The following MAP3K4 variants were observed in gnomAD, a reference collection of about 807,000 sequenced individuals.
MAP3K4 encodes MAP three kinase 1.
In MAP3K4, 67 loss-of-function variants were observed where a neutral mutation model predicts 185.6. That is an observed-to-expected ratio of 0.36 (90% confidence interval 0.30 to 0.44). MAP3K4 has a LOEUF of 0.44. Among genes scored for constraint, MAP3K4 ranks in the 20% least tolerant of loss-of-function variants. The pLI is 1.00. For missense variants in MAP3K4, 1,551 were observed against 1,995.1 expected, an observed-to-expected ratio of 0.78 and a Z score of 4.24; for synonymous variants, 702 against 710.4, an observed-to-expected ratio of 0.99 and a Z score of 0.19.
chr6:160,992,561 C>G (rs1780782175), intron 1 of MAP3K4, among the ~76,000 whole-genome samples: 1 of 152,174 alleles, frequency 6.6e-6, no homozygotes, highest in African/African-American at 2.4e-5. Flanking sequence ...TTTGCCCGCT[C>G]CAGAGAATGC....
At chr6:161,089,279 A>G in intron 10 of MAP3K4, 43 bp from the exon 11 acceptor site, 3 of 1,594,870 alleles carry the variant, frequency 1.9e-6, no homozygotes, top group Non-Finnish European at 1.7e-6. Flanking sequence ...AACAACTAGT[A>G]ACTGGGTTGG....
intron 25 of MAP3K4, among the ~76,000 whole-genome samples, chr6:161,113,842 G>A (rs563107432): frequency 2.2e-5 from 3 of 137,166 alleles, no homozygotes; most frequent in South Asian, 4.7e-4. Context: ...CTGTCGCCAG[G>A]CAGGAGTGCA....
intron 1 of MAP3K4, among the ~76,000 whole-genome samples, chr6:160,997,879 G>A (rs1250092576): frequency 1.3e-5 from 2 of 152,100 alleles, no homozygotes; most frequent in African/African-American, 2.4e-5. Flanking sequence ...AGAGAGAAAC[G>A]CGCATTTTAC....
chr6:161,114,119 C>G lies in MAP3K4; in HGVS notation c.4627-1004C>G, dbSNP rs9456625. Among the ~76,000 whole-genome samples, 3,101 of 152,162 alleles carry G rather than the reference C, an allele frequency of 0.02. 69 individuals are homozygous for G. The highest frequency in any genetic ancestry group is 0.051 in the African/African-American group (2,125 of 41,518). On this transcript the variant is annotated intron_variant, in intron 25 of 26. Coordinates refer to ENST00000392142, the MANE Select transcript of MAP3K4 (RefSeq NM_005922.4). The surrounding 1 kb of genome is among the most constrained non-coding windows in gnomAD (Gnocchi z 4.3). Reference sequence around the variant, plus strand: ...CTTTTAGAGAGTATATAAAGAAACACACATGTTTTGGACAGAAATTCCATG... The same window carrying G: ...CTTTTAGAGAGTATATAAAGAAACAGACATGTTTTGGACAGAAATTCCATG...
rs1209430009 is a variant in MAP3K4, at chr6:161,034,415, T to G, written c.309T>G (p.Asn103Lys). The part of the protein sequence containing the change: ...KRMSTKHQRN[N>K]VGRPASRSNL... Reference sequence around the variant, plus strand: ...TGTCAACCAAACATCAGAGGAATAATGTGGGGAGGCCAGCCAGTCGGTCTA... The same window carrying G: ...TGTCAACCAAACATCAGAGGAATAAGGTGGGGAGGCCAGCCAGTCGGTCTA... The change falls in exon 2 of 27, where the codon AAT becomes AAG. Residue 103 changes from asparagine (N) to lysine (K), a missense_variant. Physicochemically the swap from Asn to Lys is moderately conservative, Grantham distance 94. Coordinates refer to ENST00000392142, the MANE Select transcript of MAP3K4 (RefSeq NM_005922.4). This position sits in a 1 kb window ranked among gnomAD's most constrained non-coding sequence, Gnocchi z 4.4. 2 of 1,613,880 alleles carry G rather than the reference T, an allele frequency of 1.2e-6. No homozygotes were observed. The highest frequency in any genetic ancestry group is 2.2e-5 in the South Asian group (2 of 91,072).
At chr6:161,032,117 A>G (rs1782958546) in intron 1 of MAP3K4, among the ~76,000 whole-genome samples, 1 of 152,266 alleles carries the variant, frequency 6.6e-6, no homozygotes, top group African/African-American at 2.4e-5. Context: ...TTCAAAAGTA[A>G]TAAAATATAG....
intron 1 of MAP3K4, among the ~76,000 whole-genome samples, chr6:160,992,585 C>T (rs939715779): frequency 3.3e-5 from 5 of 152,158 alleles, no homozygotes; most frequent in Non-Finnish European, 7.3e-5. Context: ...TCATCTCTTC[C>T]GTGAGAAATT....
intron 1 of MAP3K4, among the ~76,000 whole-genome samples, chr6:160,995,023 G>T (rs1237432189): frequency 6.6e-6 from 1 of 152,130 alleles, no homozygotes; most frequent in African/African-American, 2.4e-5. Flanking sequence ...TCTCCATATT[G>T]TTTTCCACAG....
In MAP3K4 at chr6:161,061,285, G is replaced by C. The variant is rs146908706; in HGVS notation, c.1708-9323G>C. 1.3e-5 allele frequency among the ~76,000 whole-genome samples: 2 copies of C among 152,196 alleles called. No individual in the cohort carries two copies. The highest frequency in any genetic ancestry group is 6.5e-5 in the Admixed American group (1 of 15,276). On this transcript the variant is annotated intron_variant, in intron 3 of 26. Coordinates refer to ENST00000392142, the MANE Select transcript of MAP3K4 (RefSeq NM_005922.4). This position sits in a 1 kb window ranked among gnomAD's most constrained non-coding sequence, Gnocchi z 4.2. ...ATCTCAGTGTGATTACTGGAAAACA[G>C]TTCAAGTTTTGTTTTTGACCATCCT... is the stretch of plus-strand genomic sequence containing the variant.
rs1056203092 is a variant in MAP3K4, at chr6:161,056,390, C to G, written c.1707+6411C>G. 3.3e-5 allele frequency among the ~76,000 whole-genome samples: 5 copies of G among 152,154 alleles called. No individual in the cohort carries two copies. Among genetic ancestry groups the G allele is most frequent in the Admixed American group, 3.3e-4 (5 of 15,264 alleles). On this transcript the variant is annotated intron_variant, in intron 3 of 26. Coordinates refer to ENST00000392142, the MANE Select transcript of MAP3K4 (RefSeq NM_005922.4). This position sits in a 1 kb window ranked among gnomAD's most constrained non-coding sequence, Gnocchi z 5.4. ...GGCCTTCTCAGTGATAGAATTAGAA[C>G]GTACAGGTATGTCTTCTAACCTGTG...
chr6:161,006,402 A>G (rs998052206), intron 1 of MAP3K4, among the ~76,000 whole-genome samples: 1 of 152,222 alleles, frequency 6.6e-6, no homozygotes, highest in African/African-American at 2.4e-5. Flanking sequence ...TATTCTTGTT[A>G]TTATTCCCTA....
In MAP3K4 at chr6:160,991,869, C is replaced by G. The variant is rs1174068505; in HGVS notation, c.-63C>G. On this transcript the variant is annotated 5_prime_UTR_variant, in exon 1 of 27. Transcript: ENST00000392142. This position sits in a 1 kb window ranked among gnomAD's most constrained non-coding sequence, Gnocchi z 5.7. ...CGAGTCACTCCCGCACTTCGGGGCT[C>G]CGGTGCCCCGCGCCAGGCTGCAGCT... The G allele has an allele frequency of 1.7e-5, 25 of 1,434,024 alleles. No individual in the cohort carries two copies. The highest frequency in any genetic ancestry group is 2.9e-5 in the East Asian group (1 of 34,054). The allele number at this position is 1,434,024 out of a possible 1,614,324, so 88.8% of individuals were successfully genotyped here. A position where few individuals can be genotyped will look rare whatever the true frequency, so the allele number is the denominator to read the frequency against.
At position 161,108,677 on chromosome 6, in the gene MAP3K4, G is replaced by T; in HGVS notation, c.4120-66G>T. On this transcript the variant is annotated intron_variant, in intron 21 of 26. Transcript: ENST00000392142. This position sits in a 1 kb window ranked among gnomAD's most constrained non-coding sequence, Gnocchi z 5.7. ...TTATGGGGTGCAAAATGATGTTTCA[G>T]TGTATGTGTATAATGTAGAGTGATT... 1.2e-6 allele frequency: 1 copy of T among 865,302 alleles called. No homozygotes were observed. Among genetic ancestry groups the T allele is most frequent in the Non-Finnish European group, 2.0e-6 (1 of 505,092 alleles). The allele number at this position is 865,302 out of a possible 1,614,324, so 53.6% of individuals were successfully genotyped here.
chr6:161,013,855 G>A (rs7758583), intron 1 of MAP3K4, among the ~76,000 whole-genome samples: 56,721 of 151,980 alleles, frequency 0.37, 11,984 homozygotes, highest in Admixed American at 0.53. Flanking sequence ...CCGTGGAAAG[G>A]GGCAGTAACT....
intron 2 of MAP3K4, among the ~76,000 whole-genome samples, chr6:161,042,361 G>C (rs963573724): frequency 6.6e-6 from 1 of 152,154 alleles, no homozygotes; most frequent in Admixed American, 6.5e-5. Flanking sequence ...CTGTGTTTGA[G>C]TGTTGGGTAA....
chr6:161,107,170 G>A lies in MAP3K4; in HGVS notation c.4048+465G>A, dbSNP rs1358020770. On this transcript the variant is annotated intron_variant, in intron 20 of 26. Coordinates refer to ENST00000392142, the MANE Select transcript of MAP3K4 (RefSeq NM_005922.4). This position sits in a 1 kb window ranked among gnomAD's most constrained non-coding sequence, Gnocchi z 6.2. The stretch of plus-strand genomic sequence containing the variant: ...TTGCCTCATTAATTAATTTCCAGGT[G>A]GAATTGCTTCATGTAAAATAGTCGT... Among the ~76,000 whole-genome samples, 5 of 152,084 alleles carry A rather than the reference G, an allele frequency of 3.3e-5. No homozygotes were observed. In the South Asian group the frequency reaches 6.2e-4, roughly 19 times the overall value.
In MAP3K4 at chr6:161,098,230, C is replaced by T. The variant is rs201648351; in HGVS notation, c.3525-48C>T. On this transcript the variant is annotated intron_variant, in intron 16 of 26. Transcript: ENST00000392142. The surrounding 1 kb of genome is among the most constrained non-coding windows in gnomAD (Gnocchi z 4.4). ...TTTAATTGAAAACAATTTTCAAGTC[C>T]GTTCCCTCTTCTCACATGTGTTCCT... 1.2e-4 allele frequency: 179 copies of T among 1,522,580 alleles called. No homozygotes were observed. Among genetic ancestry groups the T allele is most frequent in the African/African-American group, 4.3e-4 (31 of 71,584 alleles). The allele number at this position is 1,522,580 out of a possible 1,614,324, so 94.3% of individuals were successfully genotyped here. A position where few individuals can be genotyped will look rare whatever the true frequency, so the allele number is the denominator to read the frequency against.
chr6:161,098,201 T>C lies in MAP3K4; in HGVS notation c.3525-77T>C. ...TATATTTCACCCCCTTGCCATATTTTATTTTTAATTGAAAACAATTTTCAA... is the reference window on the plus strand; with the variant it reads ...TATATTTCACCCCCTTGCCATATTTCATTTTTAATTGAAAACAATTTTCAA... On this transcript the variant is annotated intron_variant, in intron 16 of 26. Coordinates refer to ENST00000392142, the MANE Select transcript of MAP3K4 (RefSeq NM_005922.4). The surrounding 1 kb of genome is among the most constrained non-coding windows in gnomAD (Gnocchi z 4.4). The C allele has an allele frequency of 6.9e-7, 1 of 1,449,828 alleles. No homozygotes were observed. 89.8% of individuals were successfully genotyped at this position (1,449,828 alleles called of 1,614,324 possible). A position where few individuals can be genotyped will look rare whatever the true frequency, so the allele number is the denominator to read the frequency against.
intron 2 of MAP3K4, among the ~76,000 whole-genome samples, chr6:161,040,717 C>G (rs1020575059): frequency 2.0e-5 from 3 of 152,250 alleles, no homozygotes; most frequent in Admixed American, 2.0e-4. Context: ...CTCTTCCACA[C>G]TAGCCAAGAA....
Sources: gnomAD v4.1 joint callset for allele counts (sites outside exome capture counted in the v4.1 genomes callset) on GRCh38, gnomAD v4.1.1 for gene constraint, Gnocchi (gnomAD v3.1) non-coding constraint, MANE v1.5 for transcripts, NCBI Gene and HGNC (gene_info 2026-07-23, HGNC 2026-07-21) for gene names.